PHC2: variants seen among roughly 807,000 people sequenced by gnomAD.
PHC2 encodes polyhomeotic homolog 2.
PHC2 carries 29 observed loss-of-function variants against 87.4 expected under a neutral mutation model. That is an observed-to-expected ratio of 0.33 (90% CI 0.25 to 0.45). The LOEUF is 0.45. Ranked by LOEUF, PHC2 falls within the 20% of genes least tolerant of loss-of-function variation. The probability of loss-of-function intolerance (pLI) is 1.00; values close to 1 mark genes in which losing one functional copy is unlikely to be tolerated. For synonymous variants in PHC2, 438 were observed against 461.7 expected (o/e 0.95, Z 0.66); for missense variants, 857 against 1,136.7 (o/e 0.75, Z 3.54).
At chr1:33,355,937 T>A (rs1647062604) in intron 7 of PHC2, among the ~76,000 whole-genome samples, 1 of 152,180 alleles carries the variant, frequency 6.6e-6, no homozygotes, top group African/African-American at 2.4e-5. Context: ...AAAAATGACT[T>A]AATGTGCACA....
At chr1:33,414,157 A>G (rs1264298159) in intron 1 of PHC2, among the ~76,000 whole-genome samples, 7 of 149,124 alleles carry the variant, frequency 4.7e-5, no homozygotes, top group Admixed American at 2.1e-4. Context: ...TCATGTTTAC[A>G]TATGTATTCT....
chr1:33,335,201 T>C (rs1646601910), intron 9 of PHC2: 2 of 985,406 alleles, frequency 2.0e-6, no homozygotes, highest in African/African-American at 1.7e-5. Flanking sequence ...CTTCCTCTCT[T>C]CCACTTCAAA....
chr1:33,326,167 GGAGA>G (rs752344086), intron 14 of PHC2: 2 of 219,178 alleles, frequency 9.1e-6, no homozygotes, highest in Non-Finnish European at 1.9e-5. Flanking sequence ...CAGTAAAATA[GGAGA>G]GAGAGAAGGT....
intron 1 of PHC2, among the ~76,000 whole-genome samples, chr1:33,417,981 T>A (rs912672821): frequency 6.6e-6 from 1 of 152,092 alleles, no homozygotes; most frequent in Non-Finnish European, 1.5e-5. Flanking sequence ...AAATAACTCA[T>A]GGGTCAAAGA....
rs556285571 is a variant in PHC2, at chr1:33,412,774, T to G, written c.-55+18202A>C. Reference sequence around the variant, plus strand: ...TGCATCAGGAGCATAAATCTTGTAATTGAAGGATAGCATGGTTATTGAAAA... The same window carrying G: ...TGCATCAGGAGCATAAATCTTGTAAGTGAAGGATAGCATGGTTATTGAAAA... On this transcript the variant is annotated intron_variant, in intron 1 of 14. Coordinates refer to ENST00000683057, the MANE Select transcript of PHC2 (RefSeq NM_001385109.1). 2.0e-5 allele frequency among the ~76,000 whole-genome samples: 3 copies of G among 152,164 alleles called. No individual in the cohort carries two copies. In the East Asian group the frequency reaches 5.8e-4, roughly 29 times the overall value.
At chr1:33,328,502 C>T (rs1646420814) in intron 14 of PHC2, among the ~76,000 whole-genome samples, 1 of 151,462 alleles carries the variant, frequency 6.6e-6, no homozygotes, top group Admixed American at 6.6e-5. Flanking sequence ...AGGTGTGAGC[C>T]ACCACACCTG....
At chr1:33,359,699 G>A (rs4074172) in intron 7 of PHC2, among the ~76,000 whole-genome samples, 26,352 of 152,192 alleles carry the variant, frequency 0.17, 2,811 homozygotes, top group South Asian at 0.27. Context: ...TTGAGAACAC[G>A]GAAAAGGGGA....
intron 1 of PHC2, among the ~76,000 whole-genome samples, chr1:33,380,893 T>C (rs1172856138): frequency 6.6e-6 from 1 of 152,192 alleles, no homozygotes; most frequent in Non-Finnish European, 1.5e-5. Context: ...CTCTCTCTGG[T>C]CTCAGCATTA....
chr1:33,391,638 T>A (rs2148362130), intron 1 of PHC2, among the ~76,000 whole-genome samples: 1 of 145,978 alleles, frequency 6.9e-6, no homozygotes, highest in African/African-American at 2.8e-5. Context: ...TGCCTAATAC[T>A]ATTCCCTTTG....
At chr1:33,350,016 G>T (rs1646936859) in intron 9 of PHC2, 1 of 244,038 alleles carries the variant, frequency 4.1e-6, no homozygotes, top group Non-Finnish European at 6.6e-6. Flanking sequence ...CGCTTCCTTT[G>T]TGCGGCGAGC....
Position 33,349,275 on chromosome 1 carries a change from AG to A in PHC2, c.1558+5125del. The A allele has an allele frequency of 1.0e-6, 1 of 984,426 alleles. No individual in the cohort carries two copies. The highest frequency in any genetic ancestry group is 4.7e-5 in the South Asian group (1 of 21,194). The allele number at this position is 984,426 out of a possible 1,614,324, so 61.0% of individuals were successfully genotyped here. ...CGTCCCCGAACGCACCGTCCGTCCC[AG>A]GGAAGTCGCAGCGGCGGGGAGGCCG... On this transcript the variant is annotated intron_variant, in intron 9 of 14. Coordinates refer to ENST00000683057, the MANE Select transcript of PHC2 (RefSeq NM_001385109.1). This position sits in a 1 kb window ranked among gnomAD's most constrained non-coding sequence, Gnocchi z 4.2.
chr1:33,335,910 G>C (rs191829620), intron 9 of PHC2, among the ~76,000 whole-genome samples: 4 of 104,398 alleles, frequency 3.8e-5, no homozygotes, highest in South Asian at 2.8e-4. Context: ...GGGGGGGGAG[G>C]GGGGGAAAGA....
At chr1:33,371,871 GA>G (rs1200493775) in intron 3 of PHC2, among the ~76,000 whole-genome samples, 1 of 152,248 alleles carries the variant, frequency 6.6e-6, no homozygotes, top group Non-Finnish European at 1.5e-5. Context: ...TTTGCATGCA[GA>G]AGGTACATAA....
chr1:33,388,732 T>G (rs1648897650), intron 1 of PHC2, among the ~76,000 whole-genome samples: 1 of 152,208 alleles, frequency 6.6e-6, no homozygotes, highest in South Asian at 2.1e-4. Flanking sequence ...ATGGGCATCA[T>G]TCTATCATGA....
intron 1 of PHC2, among the ~76,000 whole-genome samples, chr1:33,386,984 A>G (rs1439171752): frequency 6.6e-6 from 1 of 152,232 alleles, no homozygotes; most frequent in Non-Finnish European, 1.5e-5. Context: ...TATGCTGGCC[A>G]TTCTGCCGCT....
Position 33,349,061 on chromosome 1 carries a change from G to A in PHC2, c.1558+5340C>T. ...CAACAAATATAGTCTACCTTCATTT[G>A]GCATAGGAAGGAGAGAAAACGCTCT... On this transcript the variant is annotated intron_variant, in intron 9 of 14. Transcript: ENST00000683057. This position sits in a 1 kb window ranked among gnomAD's most constrained non-coding sequence, Gnocchi z 4.2. The A allele has an allele frequency of 1.0e-6, 1 of 983,686 alleles. No homozygotes were observed. Among genetic ancestry groups the A allele is most frequent in the Non-Finnish European group, 1.2e-6 (1 of 828,352 alleles). 60.9% of individuals were successfully genotyped at this position (983,686 alleles called of 1,614,324 possible). A position where few individuals can be genotyped will look rare whatever the true frequency, so the allele number is the denominator to read the frequency against.
intron 1 of PHC2, among the ~76,000 whole-genome samples, chr1:33,404,729 T>C (rs1208704289): frequency 6.6e-6 from 1 of 152,244 alleles, no homozygotes; most frequent in African/African-American, 2.4e-5. Flanking sequence ...ATGTGTTTTA[T>C]GTCTGGAGTG....
At position 33,334,139 on chromosome 1, in the gene PHC2, G is replaced by A. The variant is rs1184251596; in HGVS notation, c.1712C>T (p.Thr571Met). ...GATCACAAACCCTTCGATAACATGC[G>A]TCAGGATTTGGGGTTTCACAATGGC... ...PQAIVKPQIL[T>M]HVIEGFVIQE... is the part of the protein sequence containing the mutation. The change falls in exon 10 of 15, where the codon ACG (threonine) becomes ATG (methionine). Residue 571 changes from threonine (T) to methionine (M), a missense_variant. Transcript: ENST00000683057. This position sits in a 1 kb window ranked among gnomAD's most constrained non-coding sequence, Gnocchi z 5.5. 2 of 1,613,942 alleles carry A rather than the reference G, an allele frequency of 1.2e-6. No individual in the cohort carries two copies. Among genetic ancestry groups the A allele is most frequent in the South Asian group, 1.1e-5 (1 of 91,052 alleles).
intron 4 of PHC2, 35 bp from the exon 5 acceptor site, chr1:33,370,620 G>A: frequency 6.3e-7 from 1 of 1,579,716 alleles, no homozygotes; most frequent in Non-Finnish European, 8.6e-7. Context: ...GGAGATAGGA[G>A]GTTCTGTTGG....
Sources: gnomAD v4.1 joint callset for allele counts (sites outside exome capture counted in the v4.1 genomes callset) on GRCh38, gnomAD v4.1.1 for gene constraint, Gnocchi (gnomAD v3.1) non-coding constraint, MANE v1.5 for transcripts, NCBI Gene and HGNC (gene_info 2026-07-23, HGNC 2026-07-21) for gene names.